The following ELN variants were observed in gnomAD, a reference collection of about 807,000 sequenced individuals.
ELN encodes elastin, also known as tropoelastin.
ELN carries 65 observed loss-of-function variants against 105.8 expected under a neutral mutation model. That is an observed-to-expected ratio of 0.61 (90% confidence interval 0.50 to 0.75). The LOEUF is 0.75. ELN is among the 30% of genes least tolerant of loss of function. ELN has a pLI of 0.00. For missense variants in ELN, 882 were observed against 969.4 expected (o/e 0.91, Z 1.20); for synonymous variants, 368 against 389.2 (o/e 0.95, Z 0.64).
intron 26 of ELN, among the ~76,000 whole-genome samples, chr7:74,061,869 G>A (rs937477988): frequency 3.3e-5 from 5 of 152,156 alleles, no homozygotes; most frequent in African/African-American, 1.2e-4. Context: ...GTCCAGGAAG[G>A]GACTGGGCCT....
intron 22 of ELN, among the ~76,000 whole-genome samples, chr7:74,059,195 T>G (rs1796048037): frequency 6.6e-6 from 1 of 152,174 alleles, no homozygotes; most frequent in Non-Finnish European, 1.5e-5. Flanking sequence ...AGAGTTGATT[T>G]TATTTTTCCC....
At position 74,053,280 on chromosome 7, in the gene ELN, G is replaced by A. The variant is rs1554677456; in HGVS notation, c.1067G>A (p.Gly356Asp). 6.2e-7 allele frequency: 1 copy of A among 1,613,622 alleles called. No individual in the cohort carries two copies. Among genetic ancestry groups the A allele is most frequent in the African/African-American group, 1.3e-5 (1 of 74,938 alleles). Residue 356 changes from glycine to aspartate, a missense_variant, in exon 18 of 33, where the codon GGT becomes GAT. Physicochemically the swap from Gly to Asp is moderately conservative, Grantham distance 94 (BLOSUM62 -1). Transcript: ENST00000252034. ...VPGAGIPVVP[G>D]AGIPGAAVPG... ...GGAGCTGGGATTCCAGTTGTCCCAG[G>A]TGCTGGGATCCCAGGTGCTGCGGTT...
chr7:74,048,669 A>C (rs1477637386), intron 15 of ELN, 113 bp downstream of exon 15: 1 of 1,292,352 alleles, frequency 7.7e-7, no homozygotes, highest in East Asian at 2.5e-5. Context: ...CATTTACTCA[A>C]AATTTTCAAC....
intron 13 of ELN, 114 bp from the exon 14 acceptor site, chr7:74,048,028 G>A: frequency 1.6e-6 from 2 of 1,282,504 alleles, no homozygotes; most frequent in Admixed American, 3.4e-5. Flanking sequence ...CTCTGGCTGG[G>A]GGTGACAGGT....
At chr7:74,033,686 G>A (rs569300726) in intron 1 of ELN, among the ~76,000 whole-genome samples, 165 of 152,336 alleles carry the variant, frequency 1.1e-3, no homozygotes, top group Non-Finnish European at 1.5e-3. Context: ...AGGCTGACAG[G>A]GCCCTGGGGC....
chr7:74,068,628 C>CA (rs1554690546), intron 32 of ELN, 29 bp from the exon 33 acceptor site: 1 of 1,614,082 alleles, frequency 6.2e-7, no homozygotes, highest in African/African-American at 1.3e-5. Context: ...GGGCCGGACT[C>CA]ACAGTGATGT....
intron 1 of ELN, among the ~76,000 whole-genome samples, chr7:74,032,977 T>C (rs1213029914): frequency 1.3e-5 from 2 of 152,242 alleles, no homozygotes; most frequent in East Asian, 3.8e-4. Context: ...TAAGTGCCAC[T>C]GTCTTTTTAT....
Position 74,041,312 on chromosome 7 carries a change from G to A in ELN, c.232+61G>A. 1.1e-5 allele frequency: 17 copies of A among 1,605,934 alleles called. 1 individual carries two copies. Among genetic ancestry groups the A allele is most frequent in the Middle Eastern group, 1.6e-4 (1 of 6,066 alleles). ...GGGACCAGCCCCTGAGCTCAACCCAGGGCTGGTATGCAGCACGGTCATGGA... is the reference window on the plus strand; with the variant it reads ...GGGACCAGCCCCTGAGCTCAACCCAAGGCTGGTATGCAGCACGGTCATGGA... On this transcript the variant is annotated intron_variant, in intron 5 of 32. Transcript: ENST00000252034.
At chr7:74,053,115 C>T (rs1554677267) in intron 17 of ELN, 48 bp from the exon 18 acceptor site, 3 of 1,613,922 alleles carry the variant, frequency 1.9e-6, no homozygotes, top group South Asian at 2.2e-5. Context: ...CCTTCTAGCC[C>T]CTCTGAGGTT....
In ELN at chr7:74,042,667, G is replaced by A; in HGVS notation, c.286G>A (p.Val96Met). The change falls in exon 6 of 33, where the codon GTG becomes ATG. Residue 96 changes from valine to methionine, a missense_variant. Physicochemically the swap from Val to Met is conservative, Grantham distance 21 (BLOSUM62 1). Transcript: ENST00000252034. ...TCCGGGGGCTCTGGTGCCTGGTGGAGTGGCTGACGCTGCTGCAGCCTATAA... is the reference window on the plus strand; with the variant it reads ...TCCGGGGGCTCTGGTGCCTGGTGGAATGGCTGACGCTGCTGCAGCCTATAA... ...TFPGALVPGG[V>M]ADAAAAYKAA... 1 of 1,613,534 alleles carries A rather than the reference G, an allele frequency of 6.2e-7. No individual in the cohort carries two copies. The highest frequency in any genetic ancestry group is 8.5e-7 in the Non-Finnish European group (1 of 1,179,986).
chr7:74,041,059 T>G (rs1791087375), intron 4 of ELN, among the ~76,000 whole-genome samples, 157 bp from the exon 5 acceptor site: 1 of 152,102 alleles, frequency 6.6e-6, no homozygotes, highest in African/African-American at 2.4e-5. Context: ...TACTGGTGGA[T>G]GCTATTTTAT....
chr7:74,049,652 C>CCATTCATCCATCCATCCATTCCTCCATG (rs1793449237), intron 15 of ELN, among the ~76,000 whole-genome samples: 1 of 149,952 alleles, frequency 6.7e-6, no homozygotes, highest in Admixed American at 6.6e-5. Context: ...CTCCATGCAT[C>CCATTCATCCATCCATCCATTCCTCCATG]CATTCATCCA....
chr7:74,042,584 C>A, intron 5 of ELN, 30 bp from the exon 6 acceptor site: 1 of 1,605,092 alleles, frequency 6.2e-7, no homozygotes, highest in Non-Finnish European at 8.5e-7. Context: ...TGTGGTAGCT[C>A]AGGACCTCAC....
chr7:74,043,649 T>C, intron 8 of ELN: 3 of 652,918 alleles, frequency 4.6e-6, no homozygotes, highest in Non-Finnish European at 5.5e-6. Context: ...CCCAGCCATG[T>C]AAACAGGCTC....
intron 4 of ELN, among the ~76,000 whole-genome samples, chr7:74,040,472 G>A (rs559564074): frequency 1.3e-5 from 2 of 152,232 alleles, no homozygotes; most frequent in Admixed American, 6.5e-5. Flanking sequence ...GGAAAGCCAG[G>A]GGGGACCTCT....
At chr7:74,057,280 C>A in intron 21 of ELN, 1 of 913,976 alleles carries the variant, frequency 1.1e-6, no homozygotes, top group Non-Finnish European at 1.5e-6. Flanking sequence ...TTGAAGGTGC[C>A]AGGAAGCCAT....
In ELN at chr7:74,065,675, A is replaced by G. The variant is rs564967494; in HGVS notation, c.1994-19A>G. The G allele has an allele frequency of 6.2e-7, 1 of 1,612,030 alleles. No homozygotes were observed. Among genetic ancestry groups the G allele is most frequent in the African/African-American group, 1.3e-5 (1 of 74,464 alleles). ...GTGGCATTGGCATTCCTGAGCCGTC[A>G]TGTGCCTCATCTCCCCAGGTATACC... On this transcript the variant is annotated intron_variant, in intron 29 of 32. Coordinates refer to ENST00000252034, the MANE Select transcript of ELN (RefSeq NM_000501.4).
chr7:74,056,864 C>T, intron 21 of ELN, 151 bp downstream of exon 21: 1 of 976,774 alleles, frequency 1.0e-6, no homozygotes, highest in Non-Finnish European at 1.6e-6. Flanking sequence ...AAGCCACACT[C>T]CACTCTTACT....
At chr7:74,035,721 C>T (rs782492435) in intron 2 of ELN, 1 of 450,384 alleles carries the variant, frequency 2.2e-6, no homozygotes, top group Non-Finnish European at 4.1e-6. Flanking sequence ...CACACACACA[C>T]ACAAATTTAA....
Sources: allele counts gnomAD v4.1 joint callset (sites outside exome capture counted in the v4.1 genomes callset), GRCh38; gene constraint gnomAD v4.1.1; transcripts MANE v1.5; gene names NCBI Gene and HGNC (gene_info 2026-07-23, HGNC 2026-07-21).